SIPA1L3: variants seen among roughly 807,000 people sequenced by gnomAD.
SIPA1L3 encodes the protein signal-induced proliferation-associated 1-like protein 3.
SIPA1L3 carries 59 observed loss-of-function variants against 150.1 expected under a neutral mutation model. That is an observed-to-expected ratio of 0.39 (90% CI 0.32 to 0.49). The LOEUF (loss-of-function observed/expected upper bound fraction) is 0.49. Ranked by LOEUF, SIPA1L3 falls within the 20% of genes least tolerant of loss-of-function variation. The pLI is 0.86. For missense variants in SIPA1L3, 2,211 were observed against 2,489.5 expected, an observed-to-expected ratio of 0.89 and a Z score of 2.38; for synonymous variants, 1,070 against 1,077.6, an observed-to-expected ratio of 0.99 and a Z score of 0.14.
chr19:38,124,059 C>T (rs1372051934), intron 9 of SIPA1L3, among the ~76,000 whole-genome samples: 1 of 149,772 alleles, frequency 6.7e-6, no homozygotes, highest in East Asian at 2.0e-4. Flanking sequence ...TGGGCAGAGG[C>T]GCCCCTCACC....
intron 16 of SIPA1L3, among the ~76,000 whole-genome samples, chr19:38,188,091 T>G (rs1972727757): frequency 6.6e-6 from 1 of 152,182 alleles, no homozygotes; most frequent in South Asian, 2.1e-4. Context: ...CTGAGCATTT[T>G]GGAGACAGTG....
intron 9 of SIPA1L3, among the ~76,000 whole-genome samples, chr19:38,121,563 A>T (rs1600099375): frequency 6.7e-6 from 1 of 149,160 alleles, no homozygotes; most frequent in Non-Finnish European, 1.5e-5. Flanking sequence ...ACACAGTGAA[A>T]CCCCGTCTCT....
intron 19 of SIPA1L3, among the ~76,000 whole-genome samples, chr19:38,199,680 G>A (rs1166767326): frequency 2.0e-5 from 3 of 152,184 alleles, no homozygotes; most frequent in Admixed American, 1.3e-4. Context: ...CTCCCCGGGA[G>A]CCGGAAAGGG....
At position 38,141,317 on chromosome 19, in the gene SIPA1L3, C is replaced by G; in HGVS notation, c.3277C>G (p.Leu1093Val). 6.2e-7 allele frequency: 1 copy of G among 1,614,066 alleles called. No individual in the cohort carries two copies. The highest frequency in any genetic ancestry group is 8.5e-7 in the Non-Finnish European group (1 of 1,179,988). ...QWSGPASHNS[L>V]PASKWATPTT... ...GAGCGGGCCCGCATCCCATAACTCTCTACCAGCCTCCAAGTGGGCCACTCC... is the reference window on the plus strand; with the variant it reads ...GAGCGGGCCCGCATCCCATAACTCTGTACCAGCCTCCAAGTGGGCCACTCC... The change falls in exon 11 of 22, where the codon CTA becomes GTA. Residue 1093 changes from leucine (L) to valine (V), a missense_variant. Around this residue, in one of 5 missense-constraint regions of SIPA1L3, gnomAD observed 806 missense variants for 870.1 expected, o/e 0.93. Coordinates refer to ENST00000222345, the MANE Select transcript of SIPA1L3 (RefSeq NM_015073.3).
intron 1 of SIPA1L3, among the ~76,000 whole-genome samples, chr19:37,939,620 T>G (rs879770341): frequency 8.5e-5 from 13 of 152,176 alleles, no homozygotes; most frequent in Middle Eastern, 3.4e-3. Context: ...CTGCCCAAGC[T>G]CTAGCCATTA....
intron 1 of SIPA1L3, among the ~76,000 whole-genome samples, chr19:37,978,136 A>G (rs1219847625): frequency 6.6e-6 from 1 of 152,244 alleles, no homozygotes; most frequent in Non-Finnish European, 1.5e-5. Context: ...GGGCAGACCC[A>G]GAGTTGGGGA....
chr19:38,044,517 C>G (rs1011087962), intron 2 of SIPA1L3, among the ~76,000 whole-genome samples: 14 of 151,896 alleles, frequency 9.2e-5, no homozygotes, highest in African/African-American at 2.9e-4. Context: ...GATGAGGGCC[C>G]GAGGTGATTG....
chr19:38,141,577 T>A, intron 11 of SIPA1L3, 142 bp downstream of exon 11: 1 of 912,168 alleles, frequency 1.1e-6, no homozygotes, highest in Non-Finnish European at 1.6e-6. Context: ...TATGTCTCCC[T>A]TGTTCCTCCC....
intron 1 of SIPA1L3, among the ~76,000 whole-genome samples, chr19:37,937,823 G>A (rs2046615465): frequency 6.7e-6 from 1 of 148,744 alleles, no homozygotes; most frequent in African/African-American, 2.5e-5. Context: ...GAGGTGGGCA[G>A]ATCATGAGCT....
At chr19:38,201,793 G>A (rs181684951) in intron 19 of SIPA1L3, 69 bp from the exon 20 acceptor site, 93 of 1,513,484 alleles carry the variant, frequency 6.1e-5, no homozygotes, top group Admixed American at 2.1e-4. Context: ...AGGGAGAGGC[G>A]TGGTCCGTCT....
intron 10 of SIPA1L3, among the ~76,000 whole-genome samples, chr19:38,132,198 C>T (rs1228008690): frequency 4.6e-5 from 7 of 152,300 alleles, no homozygotes; most frequent in East Asian, 1.9e-4. Flanking sequence ...ATGATTGTGC[C>T]ACTGCACTCC....
intron 1 of SIPA1L3, among the ~76,000 whole-genome samples, chr19:38,027,072 G>A (rs1179937389): frequency 2.6e-5 from 4 of 152,050 alleles, no homozygotes; most frequent in Non-Finnish European, 5.9e-5. Flanking sequence ...TGGGCGGATC[G>A]CTTGAGGCCA....
At chr19:38,025,621 A>T (rs1357233808) in intron 1 of SIPA1L3, among the ~76,000 whole-genome samples, 2 of 152,234 alleles carry the variant, frequency 1.3e-5, no homozygotes, top group African/African-American at 4.8e-5. Context: ...ATCACTTTAG[A>T]GAAAGAAAGG....
chr19:38,083,029 GC>G lies in SIPA1L3; in HGVS notation c.1468del (p.Arg490GlyfsTer39). On this transcript the variant is annotated frameshift_variant, in exon 3 of 22. Coordinates refer to ENST00000222345, the MANE Select transcript of SIPA1L3 (RefSeq NM_015073.3). LOFTEE classifies it high-confidence loss of function. Reference protein sequence around the residue: ...PKEQQRTQSRPRQYSIEHVDL... With the variant: ...PKEQQRTQSRXRQYSIEHVDL... ...AGGAGCAGCAGCGGACGCAGAGTCG[GC>G]CCCGGCAGTACAGCATCGAGCATGT... The G allele has an allele frequency of 6.2e-7, 1 of 1,613,136 alleles. No individual in the cohort carries two copies. Among genetic ancestry groups the G allele is most frequent in the Non-Finnish European group, 8.5e-7 (1 of 1,180,020 alleles).
intron 2 of SIPA1L3, among the ~76,000 whole-genome samples, chr19:38,043,804 G>A (rs977255834): frequency 6.6e-6 from 1 of 152,222 alleles, no homozygotes; most frequent in Non-Finnish European, 1.5e-5. Context: ...GCACGGAGGA[G>A]CTGAGGTCAG....
At chr19:38,007,632 C>T (rs1967985328) in intron 1 of SIPA1L3, among the ~76,000 whole-genome samples, 1 of 151,862 alleles carries the variant, frequency 6.6e-6, no homozygotes, top group East Asian at 1.9e-4. Context: ...TCTTCTTCTA[C>T]CTTTTTTTGC....
At chr19:38,172,063 G>A (rs1007435796) in intron 15 of SIPA1L3, among the ~76,000 whole-genome samples, 1 of 152,188 alleles carries the variant, frequency 6.6e-6, no homozygotes, top group Non-Finnish European at 1.5e-5. Flanking sequence ...TATGGTGCTG[G>A]CAGCGAGACA....
chr19:38,129,053 GA>G (rs760544813), intron 9 of SIPA1L3, among the ~76,000 whole-genome samples: 4 of 152,170 alleles, frequency 2.6e-5, no homozygotes, highest in Non-Finnish European at 5.9e-5. Context: ...GCAGTTTTAG[GA>G]AAGGGCAGGC....
In SIPA1L3 at chr19:37,972,663, C is replaced by T. The variant is rs139926355; in HGVS notation, c.-378-56426C>T. ...AGGCTGCAGTGAGCTGTGATTGTGC[C>T]ACTGCATTCCAGCCTGAGCAACATG... On this transcript the variant is annotated intron_variant, in intron 1 of 21. Transcript: ENST00000222345. Among the ~76,000 whole-genome samples the T allele has an allele frequency of 7.1e-3, 1,085 of 152,246 alleles. 35 individuals are homozygous for T. Among genetic ancestry groups the T allele is most frequent in the East Asian group, 0.066 (343 of 5,192 alleles).
Sources: gnomAD v4.1 joint callset for allele counts (sites outside exome capture counted in the v4.1 genomes callset) on GRCh38, gnomAD v4.1.1 for gene constraint, gnomAD v4.1.1 regional missense constraint, MANE v1.5 for transcripts, NCBI Gene and HGNC (gene_info 2026-07-23, HGNC 2026-07-21) for gene names.